The following ATRN variants were observed in gnomAD, a reference collection of about 807,000 sequenced individuals.
ATRN encodes the protein attractin-2.
In ATRN, 54 loss-of-function variants were observed where a neutral mutation model predicts 178.7. The observed-to-expected ratio is 0.30, with a 90% CI of 0.24 to 0.38. ATRN has a LOEUF of 0.38. ATRN is among the 10% of genes least tolerant of loss of function. The pLI is 1.00. For synonymous variants in ATRN, 636 were observed against 663.0 expected (o/e 0.96, Z 0.63); for missense variants, 1,443 against 1,815.1 (o/e 0.79, Z 3.73).
chr20:3,601,717 A>C (rs1030362752), intron 23 of ATRN, among the ~76,000 whole-genome samples: 31 of 121,762 alleles, frequency 2.5e-4, no homozygotes, highest in Non-Finnish European at 3.5e-4. Context: ...AAAAAAAAAA[A>C]CCCAGGTGTA....
intron 19 of ATRN, 145 bp downstream of exon 19, chr20:3,591,451 G>T (rs2086441171): frequency 1.9e-6 from 2 of 1,075,422 alleles, no homozygotes; most frequent in Non-Finnish European, 2.6e-6. Context: ...AAGCTCAGCT[G>T]AGCTGGAAGA....
intron 18 of ATRN, among the ~76,000 whole-genome samples, chr20:3,588,005 AC>A (rs1447192445): frequency 9.2e-5 from 14 of 151,952 alleles, no homozygotes; most frequent in Non-Finnish European, 4.4e-5. Context: ...AGCTACCAAC[AC>A]CCAGCTAATT....
chr20:3,511,082 G>C (rs933822216), intron 1 of ATRN, among the ~76,000 whole-genome samples: 4 of 152,090 alleles, frequency 2.6e-5, no homozygotes, highest in Non-Finnish European at 5.9e-5. Flanking sequence ...AGTATTATCT[G>C]TCAAACCTTT....
At chr20:3,521,134 CTACCTATTAGGTACTA>C (rs1413076327) in intron 1 of ATRN, among the ~76,000 whole-genome samples, 1 of 152,106 alleles carries the variant, frequency 6.6e-6, no homozygotes, top group African/African-American at 2.4e-5. Flanking sequence ...GGTTGAAAAA[CTACCTATTAGGTACTA>C]TGCGTACACA....
intron 1 of ATRN, among the ~76,000 whole-genome samples, chr20:3,510,805 A>G (rs1028698669): frequency 6.6e-6 from 1 of 152,164 alleles, no homozygotes; most frequent in African/African-American, 2.4e-5. Flanking sequence ...ATCAATAAGC[A>G]GTCTGTGGGG....
intron 6 of ATRN, among the ~76,000 whole-genome samples, chr20:3,554,970 C>T (rs977745668): frequency 6.3e-5 from 9 of 142,920 alleles, no homozygotes; most frequent in African/African-American, 2.3e-4. Flanking sequence ...GCTCATGGAA[C>T]ACCAAGTGTG....
In ATRN at chr20:3,471,162, A is replaced by T. The variant is rs1466165583; in HGVS notation, c.55A>T (p.Thr19Ser). ...AAGGCTGAGGAGGAGGACGGCGGCG[A>T]CGGCAGCGCTCGCGGGCAGGAGCGG... ...EARLRRRTAA[T>S]AALAGRSGGP... The change falls in exon 1 of 29, where the codon ACG becomes TCG. Residue 19 changes from threonine to serine, a missense_variant. Transcript: ENST00000262919. 2 of 1,504,340 alleles carry T rather than the reference A, an allele frequency of 1.3e-6. No individual in the cohort carries two copies. Among genetic ancestry groups the T allele is most frequent in the Non-Finnish European group, 1.8e-6 (2 of 1,133,514 alleles). The allele number at this position is 1,504,340 out of a possible 1,614,324, so 93.2% of individuals were successfully genotyped here.
intron 1 of ATRN, among the ~76,000 whole-genome samples, chr20:3,473,805 A>G (rs1293339690): frequency 6.6e-6 from 1 of 152,174 alleles, no homozygotes; most frequent in Non-Finnish European, 1.5e-5. Flanking sequence ...CACTTTGGGC[A>G]TGAGAGATAG....
chr20:3,625,053 G>T (rs1308586042), intron 25 of ATRN, among the ~76,000 whole-genome samples: 1 of 152,020 alleles, frequency 6.6e-6, no homozygotes, highest in Admixed American at 6.6e-5. Flanking sequence ...TTATCTTTAT[G>T]AAAATACTAT....
chr20:3,612,092 C>T (rs984516789), intron 24 of ATRN, among the ~76,000 whole-genome samples: 5 of 151,974 alleles, frequency 3.3e-5, no homozygotes, highest in African/African-American at 1.2e-4. Context: ...TTATAATAGC[C>T]CAAAACTGGA....
Position 3,542,740 on chromosome 20 carries a change from C to A in ATRN, c.608+2405C>A, listed in dbSNP as rs145802576. ...CTCCTGGGCTCAAGAGATGCTCCCA[C>A]CTCAGCCTCCCCAGTAGCTGGGACC... On this transcript the variant is annotated intron_variant, in intron 3 of 28. Transcript: ENST00000262919. Among the ~76,000 whole-genome samples, 3,077 of 151,846 alleles carry A rather than the reference C, an allele frequency of 0.02. 185 individuals carry two copies. The East Asian group carries it at 0.21, about 10-fold the overall frequency.
chr20:3,579,206 C>T (rs548802227), intron 15 of ATRN, among the ~76,000 whole-genome samples: 1 of 152,126 alleles, frequency 6.6e-6, no homozygotes, highest in African/African-American at 2.4e-5. Context: ...TACATCTCAG[C>T]TGGATGTGGT....
chr20:3,597,972 C>G lies in ATRN; in HGVS notation c.3536C>G (p.Ala1179Gly). 1 of 1,611,686 alleles carries G rather than the reference C, an allele frequency of 6.2e-7. No individual in the cohort carries two copies. Among genetic ancestry groups the G allele is most frequent in the Non-Finnish European group, 8.5e-7 (1 of 1,178,018 alleles). ...LSQEDDRYYT[A>G]INFVATPDEQ... The stretch of plus-strand genomic sequence containing the variant: ...CAGGAAGATGATCGCTATTACACAG[C>G]TATCAATTTTGTGGCTACTCCTGAC... The change falls in exon 22 of 29, where the codon GCT becomes GGT. Residue 1179 changes from alanine to glycine, a missense_variant. Ala to Gly is a moderately conservative substitution (Grantham distance 60). Around this residue, in one of 4 missense-constraint regions of ATRN, gnomAD observed 289 missense variants for 440.8 expected, o/e 0.66. Coordinates refer to ENST00000262919, the MANE Select transcript of ATRN (RefSeq NM_139321.3).
At chr20:3,476,432 A>G (rs534463101) in intron 1 of ATRN, among the ~76,000 whole-genome samples, 1 of 152,242 alleles carries the variant, frequency 6.6e-6, no homozygotes, top group African/African-American at 2.4e-5. Context: ...CCTAATTCCA[A>G]CAAACATTTT....
chr20:3,609,750 G>GTGT, intron 24 of ATRN, among the ~76,000 whole-genome samples: 1 of 143,978 alleles, frequency 6.9e-6, no homozygotes, highest in East Asian at 2.0e-4. Flanking sequence ...GTGTGTGTGT[G>GTGT]TATAAAATAA....
At chr20:3,485,389 T>C (rs1447055667) in intron 1 of ATRN, among the ~76,000 whole-genome samples, 1 of 152,114 alleles carries the variant, frequency 6.6e-6, no homozygotes, top group African/African-American at 2.4e-5. Flanking sequence ...ATGGTCTTGA[T>C]CCTGACTTTA....
rs748692963 is a variant in ATRN, at chr20:3,577,045, C to T, written c.2353+48C>T. On this transcript the variant is annotated intron_variant, in intron 14 of 28. Coordinates refer to ENST00000262919, the MANE Select transcript of ATRN (RefSeq NM_139321.3). ...GGTGTGTGTGGGTCCATTACTTCAG[C>T]CTGCTTCCCCCAACACTGTGCAGCC... The T allele has an allele frequency of 3.1e-6, 5 of 1,601,060 alleles. No homozygotes were observed. The East Asian group carries it at 1.1e-4, about 36-fold the overall frequency.
At chr20:3,604,391 C>A in intron 24 of ATRN, 129 bp downstream of exon 24, 1 of 1,057,110 alleles carries the variant, frequency 9.5e-7, no homozygotes, top group Non-Finnish European at 1.3e-6. Flanking sequence ...ACGTGTATGG[C>A]AGAGGAGTGC....
intron 13 of ATRN, 90 bp downstream of exon 13, chr20:3,576,038 G>A (rs1732513127): frequency 5.1e-6 from 7 of 1,362,920 alleles, no homozygotes; most frequent in Admixed American, 2.8e-5. Flanking sequence ...TAATGGCCCA[G>A]AGTTACTTTT....
Sources: gnomAD v4.1 joint callset for allele counts (sites outside exome capture counted in the v4.1 genomes callset) on GRCh38, gnomAD v4.1.1 for gene constraint, gnomAD v4.1.1 regional missense constraint, MANE v1.5 for transcripts, NCBI Gene and HGNC (gene_info 2026-07-23, HGNC 2026-07-21) for gene names.